EBF4: variants seen among roughly 807,000 people sequenced by gnomAD.
EBF4 encodes the protein EBF transcription factor 4.
Under a neutral mutation model 67.1 loss-of-function variants are expected in EBF4, and 34 were observed. That is an observed-to-expected ratio of 0.51 (90% CI 0.39 to 0.67). EBF4 has a LOEUF of 0.67. Ranked by LOEUF, EBF4 falls within the 30% of genes least tolerant of loss-of-function variation. EBF4 has a pLI of 0.00. For missense variants in EBF4, 837 were observed against 873.3 expected (o/e 0.96, Z 0.52); for synonymous variants, 387 against 377.7 (o/e 1.02, Z -0.29).
intron 1 of EBF4, among the ~76,000 whole-genome samples, chr20:2,703,411 G>A (rs908931502): frequency 1.8e-4 from 27 of 151,608 alleles, no homozygotes; most frequent in Non-Finnish European, 3.2e-4. Context: ...ACTCCAGCCC[G>A]GATGACAGAG....
chr20:2,743,600 C>T (rs2087999949), intron 6 of EBF4, among the ~76,000 whole-genome samples: 1 of 151,526 alleles, frequency 6.6e-6, no homozygotes, highest in Non-Finnish European at 1.5e-5. Flanking sequence ...TGAGTGCGTG[C>T]GTATATGGAA....
rs561399091 is a variant in EBF4 at position 2,747,752 on chromosome 20, G to A, written c.558-797G>A. Among the ~76,000 whole-genome samples the A allele has an allele frequency of 2.9e-4, 44 of 152,264 alleles. No homozygotes were observed. The highest frequency in any genetic ancestry group is 3.4e-3 in the Middle Eastern group (1 of 294). On this transcript the variant is annotated intron_variant, in intron 6 of 16. Coordinates refer to ENST00000609451, the Ensembl canonical transcript of EBF4. This position sits in a 1 kb window ranked among gnomAD's most constrained non-coding sequence, Gnocchi z 4.6. ...GGTAATCATTTACAACATAAAATGC[G>A]TATTAATGTATTTGTTCTGTGTATT...
At chr20:2,709,496 C>A (rs975808322) in intron 5 of EBF4, 78 bp from the exon 6 acceptor site, 1 of 1,373,126 alleles carries the variant, frequency 7.3e-7, no homozygotes, top group Non-Finnish European at 9.8e-7. Context: ...GCTCAGGGCG[C>A]CCCCCACAAC....
chr20:2,751,865 C>T lies in EBF4; in HGVS notation c.1108-57C>T. Reference sequence around the variant, plus strand: ...GGGTGAGGAGGGGCTCCCGAGGGCCCCTTGGTCGCCCCCAGGGGCTGCCCC... The same window carrying T: ...GGGTGAGGAGGGGCTCCCGAGGGCCTCTTGGTCGCCCCCAGGGGCTGCCCC... On this transcript the variant is annotated intron_variant, in intron 11 of 16. Transcript: ENST00000609451. This position sits in a 1 kb window ranked among gnomAD's most constrained non-coding sequence, Gnocchi z 5.2. 4 of 1,548,536 alleles carry T rather than the reference C, an allele frequency of 2.6e-6. No individual in the cohort carries two copies. Among genetic ancestry groups the T allele is most frequent in the South Asian group, 1.2e-5 (1 of 83,998 alleles).
At chr20:2,741,642 C>T (rs1009618078) in intron 6 of EBF4, among the ~76,000 whole-genome samples, 6 of 152,082 alleles carry the variant, frequency 3.9e-5, no homozygotes, top group African/African-American at 1.4e-4. Context: ...AAGGCTAAAC[C>T]AAGTTCAGGA....
At chr20:2,740,083 C>T (rs934250482) in intron 6 of EBF4, among the ~76,000 whole-genome samples, 2 of 152,210 alleles carry the variant, frequency 1.3e-5, no homozygotes, top group South Asian at 2.1e-4. Flanking sequence ...GAGGCCAAGG[C>T]GGGTGGATCA....
chr20:2,722,511 C>G (rs185649873), intron 6 of EBF4, among the ~76,000 whole-genome samples: 178 of 152,288 alleles, frequency 1.2e-3, no homozygotes, highest in Admixed American at 2.2e-3. Context: ...CTAGGATACT[C>G]TTTGTATGCA....
At chr20:2,704,787 A>G (rs1226468348) in intron 1 of EBF4, among the ~76,000 whole-genome samples, 2 of 152,200 alleles carry the variant, frequency 1.3e-5, no homozygotes, top group East Asian at 1.9e-4. Context: ...TCCTAGCCCC[A>G]GTTGTTGCCA....
chr20:2,757,256 G>T (rs551821397), intron 15 of EBF4, among the ~76,000 whole-genome samples: 1 of 152,228 alleles, frequency 6.6e-6, no homozygotes, highest in African/African-American at 2.4e-5. Context: ...AACTGAGGAT[G>T]ATACATGTCC....
chr20:2,723,604 C>CAGTGTAA (rs2087712325), intron 6 of EBF4, among the ~76,000 whole-genome samples: 3 of 152,228 alleles, frequency 2.0e-5, no homozygotes, highest in Non-Finnish European at 4.4e-5. Context: ...CCGCCTCGGC[C>CAGTGTAA]TCCCAAAGTG....
chr20:2,703,957 G>A (rs2087414108), intron 1 of EBF4, among the ~76,000 whole-genome samples: 1 of 152,124 alleles, frequency 6.6e-6, no homozygotes, highest in African/African-American at 2.4e-5. Flanking sequence ...CTATCGGCAG[G>A]AGGCCTCAGT....
intron 15 of EBF4, among the ~76,000 whole-genome samples, chr20:2,757,775 C>T (rs2088267535): frequency 1.3e-5 from 2 of 152,044 alleles, no homozygotes; most frequent in African/African-American, 4.8e-5. Flanking sequence ...GGCAAAACCT[C>T]GTCTCTAAAA....
At chr20:2,697,673 C>G (rs2087315721) in intron 1 of EBF4, among the ~76,000 whole-genome samples, 2 of 152,116 alleles carry the variant, frequency 1.3e-5, no homozygotes, top group African/African-American at 2.4e-5. Flanking sequence ...GTCTTCCTAC[C>G]AGGGAAGTCT....
At chr20:2,731,964 G>A (rs1198102537) in intron 6 of EBF4, among the ~76,000 whole-genome samples, 1 of 152,222 alleles carries the variant, frequency 6.6e-6, no homozygotes. Context: ...TGCATGCTAG[G>A]TTGGGCCCCA....
intron 6 of EBF4, among the ~76,000 whole-genome samples, chr20:2,721,517 C>T (rs960843737): frequency 2.6e-5 from 4 of 152,012 alleles, no homozygotes; most frequent in South Asian, 2.1e-4. Flanking sequence ...TGCAGTGGCA[C>T]GATCTCGGCT....
intron 6 of EBF4, among the ~76,000 whole-genome samples, chr20:2,730,610 A>C (rs957808933): frequency 1.3e-5 from 2 of 152,164 alleles, no homozygotes; most frequent in Admixed American, 6.5e-5. Context: ...AGTAATCCTT[A>C]AGCCACCATA....
chr20:2,716,422 G>A (rs1175485004), intron 6 of EBF4, among the ~76,000 whole-genome samples: 11 of 151,538 alleles, frequency 7.3e-5, no homozygotes, highest in Admixed American at 2.0e-4. Flanking sequence ...ACAGCTACTC[G>A]GGAGGCTGAG....
intron 1 of EBF4, among the ~76,000 whole-genome samples, chr20:2,695,991 C>G (rs1283738414): frequency 1.3e-5 from 2 of 152,192 alleles, no homozygotes; most frequent in African/African-American, 4.8e-5. Flanking sequence ...CAATGAAACC[C>G]CCTGGCCCTC....
downstream of EBF4, chr20:2,759,409 CCCAT>C: frequency 4.3e-6 from 1 of 234,740 alleles, no homozygotes; most frequent in Non-Finnish European, 8.5e-6. Flanking sequence ...AGGCCTTCAC[CCCAT>C]GCTCAAGCCT....
Sources: allele counts gnomAD v4.1 joint callset (sites outside exome capture counted in the v4.1 genomes callset), GRCh38; gene constraint gnomAD v4.1.1; non-coding constraint Gnocchi (gnomAD v3.1); transcripts MANE v1.5; gene names NCBI Gene and HGNC (gene_info 2026-07-23, HGNC 2026-07-21).